SDK1: variants seen among roughly 807,000 people sequenced by gnomAD.
SDK1 encodes protein sidekick-1.
Under a neutral mutation model 245.5 loss-of-function variants are expected in SDK1, and 157 were observed. The observed-to-expected ratio is 0.64, with a 90% confidence interval of 0.56 to 0.73. The LOEUF (loss-of-function observed/expected upper bound fraction) is 0.73, where lower values mean the gene tolerates loss of function less well. Ranked by LOEUF, SDK1 falls within the 30% of genes least tolerant of loss-of-function variation. SDK1 has a pLI of 0.00. For missense variants in SDK1, 3,583 were observed against 3,002.3 expected (o/e 1.19, Z -4.52); for synonymous variants, 1,647 against 1,278.5 (o/e 1.29, Z -6.15).
chr7:3,484,656 T>C (rs1781621140), intron 1 of SDK1, among the ~76,000 whole-genome samples: 1 of 152,146 alleles, frequency 6.6e-6, no homozygotes, highest in Non-Finnish European at 1.5e-5. Context: ...CGCCTCACAC[T>C]TTCCTCTCCC....
chr7:3,975,685 T>A (rs1402600299), intron 13 of SDK1, among the ~76,000 whole-genome samples: 2 of 152,244 alleles, frequency 1.3e-5, no homozygotes, highest in African/African-American at 4.8e-5. Flanking sequence ...AGGTTCACGA[T>A]GTGTAGCAGT....
chr7:3,960,177 G>A (rs1021255544), intron 8 of SDK1, among the ~76,000 whole-genome samples: 2 of 152,210 alleles, frequency 1.3e-5, no homozygotes, highest in East Asian at 3.9e-4. Context: ...CCAAGCCCTG[G>A]AAAGCATGGT....
At chr7:3,656,816 C>G (rs2082360) in intron 4 of SDK1, among the ~76,000 whole-genome samples, 1 of 150,786 alleles carries the variant, frequency 6.6e-6, no homozygotes, top group Non-Finnish European at 1.5e-5. Flanking sequence ...GGCGCAATCT[C>G]GGCTCACTGC....
At chr7:3,892,010 A>G (rs779887708) in intron 5 of SDK1, among the ~76,000 whole-genome samples, 41 of 152,060 alleles carry the variant, frequency 2.7e-4, no homozygotes, top group Non-Finnish European at 2.4e-4. Context: ...AGTTAGGCCA[A>G]TTTTCTAAGT....
intron 1 of SDK1, among the ~76,000 whole-genome samples, chr7:3,572,741 T>G (rs1053859455): frequency 6.6e-6 from 1 of 152,032 alleles, no homozygotes; most frequent in Non-Finnish European, 1.5e-5. Flanking sequence ...GCAAATCCAG[T>G]CATTGCCTTC....
At position 3,639,095 on chromosome 7, in the gene SDK1, G is replaced by A. The variant is rs1333747681; in HGVS notation, c.550G>A (p.Glu184Lys). The A allele has an allele frequency of 1.9e-6, 3 of 1,598,132 alleles. No homozygotes were observed. Among genetic ancestry groups the A allele is most frequent in the Non-Finnish European group, 2.6e-6 (3 of 1,168,082 alleles). Residue 184 changes from glutamate (E) to lysine (K), a missense_variant, in exon 3 of 45, where the codon GAA becomes AAA. By Grantham distance (56) the Glu-to-Lys change is moderately conservative. Coordinates refer to ENST00000404826, the MANE Select transcript of SDK1 (RefSeq NM_152744.4). ...GGGAGCACTCCTGCAAAGAAAATCA[G>A]AAGTTCAAGTCGCATGTATGTGTAC... ...RMGALLQRKS[E>K]VQVAYMGSFM...
intron 4 of SDK1, among the ~76,000 whole-genome samples, chr7:3,734,993 C>T (rs1210997639): frequency 1.3e-5 from 2 of 152,096 alleles, no homozygotes; most frequent in African/African-American, 4.8e-5. Context: ...TCCTCATTCT[C>T]CCCATGGGTC....
At chr7:3,685,160 A>G (rs180795167) in intron 4 of SDK1, among the ~76,000 whole-genome samples, 69 of 152,198 alleles carry the variant, frequency 4.5e-4, no homozygotes, top group African/African-American at 1.6e-3. Context: ...AATAGGATAA[A>G]TGCAAATAAA....
At chr7:4,159,646 T>C (rs1160201748) in intron 31 of SDK1, among the ~76,000 whole-genome samples, 1 of 152,176 alleles carries the variant, frequency 6.6e-6, no homozygotes, top group East Asian at 1.9e-4. Context: ...TCCAGGGCCC[T>C]AGTGAGCCCT....
intron 4 of SDK1, among the ~76,000 whole-genome samples, chr7:3,733,961 C>T (rs1408893304): frequency 6.6e-6 from 1 of 152,130 alleles, no homozygotes; most frequent in East Asian, 1.9e-4. Context: ...TTTTTATTTT[C>T]AAAAGGCTCC....
intron 1 of SDK1, among the ~76,000 whole-genome samples, chr7:3,308,938 A>G (rs1779485328): frequency 6.6e-6 from 1 of 152,166 alleles, no homozygotes; most frequent in Non-Finnish European, 1.5e-5. Flanking sequence ...GGGGAGGAAT[A>G]TGGAAACTTG....
chr7:3,439,439 T>C (rs746839062), intron 1 of SDK1, among the ~76,000 whole-genome samples: 1 of 152,126 alleles, frequency 6.6e-6, no homozygotes, highest in Non-Finnish European at 1.5e-5. Context: ...AAGAGTAATG[T>C]TAGATTGTTT....
At chr7:4,195,720 T>C (rs1783538063) in intron 35 of SDK1, among the ~76,000 whole-genome samples, 1 of 152,046 alleles carries the variant, frequency 6.6e-6, no homozygotes, top group African/African-American at 2.4e-5. Flanking sequence ...TGGGGCTCAA[T>C]CTCCTTGCCT....
At chr7:4,154,165 CTA>C (rs1251558161) in intron 30 of SDK1, among the ~76,000 whole-genome samples, 2 of 152,182 alleles carry the variant, frequency 1.3e-5, no homozygotes, top group African/African-American at 4.8e-5. Flanking sequence ...GGAACTTAAG[CTA>C]TGTCCTTCCC....
At chr7:3,345,479 CT>C (rs1248210011) in intron 1 of SDK1, among the ~76,000 whole-genome samples, 1 of 152,122 alleles carries the variant, frequency 6.6e-6, no homozygotes, top group African/African-American at 2.4e-5. Flanking sequence ...ATATATTTAA[CT>C]TAGACATTCT....
At position 3,364,693 on chromosome 7, in the gene SDK1, T is replaced by G. The variant is rs183681049; in HGVS notation, c.298+62809T>G. Among the ~76,000 whole-genome samples, 91 of 152,342 alleles carry G rather than the reference T, an allele frequency of 6.0e-4. No homozygotes were observed. The East Asian group carries it at 7.7e-3, about 13-fold the overall frequency. ...GATTACTATAGCTATATAATAAGCTTTGAAATCAGGTACACTGATGATTGC... is the reference window on the plus strand; with the variant it reads ...GATTACTATAGCTATATAATAAGCTGTGAAATCAGGTACACTGATGATTGC... On this transcript the variant is annotated intron_variant, in intron 1 of 44. Transcript: ENST00000404826.
At chr7:3,407,012 A>G (rs771518873) in intron 1 of SDK1, among the ~76,000 whole-genome samples, 85 of 152,160 alleles carry the variant, frequency 5.6e-4, no homozygotes, top group African/African-American at 1.9e-3. Context: ...TTGGTTGCCA[A>G]TGGGATCAAG....
intron 1 of SDK1, among the ~76,000 whole-genome samples, chr7:3,346,409 C>G (rs544813937): frequency 6.6e-6 from 1 of 152,178 alleles, no homozygotes; most frequent in Non-Finnish European, 1.5e-5. Context: ...CCTGCCAGCA[C>G]TACAACGTAC....
rs139350400 is a variant in SDK1, at chr7:4,177,943, GT to G, written c.4997-541del. ...GTGCAAACCCTATTGGGAACAGCACGTGCAAGAGAGCCAGGTTGTGCAAGGC... is the reference window on the plus strand; with the variant it reads ...GTGCAAACCCTATTGGGAACAGCACGGCAAGAGAGCCAGGTTGTGCAAGGC... On this transcript the variant is annotated intron_variant, in intron 34 of 44. Coordinates refer to ENST00000404826, the MANE Select transcript of SDK1 (RefSeq NM_152744.4). 3.0e-4 allele frequency among the ~76,000 whole-genome samples: 45 copies of G among 151,962 alleles called. 2 individuals are homozygous for G. In the East Asian group the frequency reaches 7.8e-3, roughly 26 times the overall value.
Sources: gnomAD v4.1 joint callset for allele counts (sites outside exome capture counted in the v4.1 genomes callset) on GRCh38, gnomAD v4.1.1 for gene constraint, MANE v1.5 for transcripts, NCBI Gene and HGNC (gene_info 2026-07-23, HGNC 2026-07-21) for gene names.